INPP5J: variants seen among roughly 807,000 people sequenced by gnomAD.
The protein encoded by INPP5J is phosphatidylinositol 4,5-bisphosphate 5-phosphatase A.
INPP5J carries 75 observed loss-of-function variants against 86.6 expected under a neutral mutation model. That is an observed-to-expected ratio of 0.87 (90% CI 0.72 to 1.05). The LOEUF (loss-of-function observed/expected upper bound fraction) is 1.05. INPP5J is among the 50% of genes least tolerant of loss of function. INPP5J has a pLI of 0.00. For missense variants in INPP5J, 1,229 were observed against 1,341.2 expected, an observed-to-expected ratio of 0.92 and a Z score of 1.31; for synonymous variants, 540 against 550.0, an observed-to-expected ratio of 0.98 and a Z score of 0.25.
chr22:31,132,543 C>T lies in INPP5J; in HGVS notation c.2194-555C>T, dbSNP rs570758806. 1.3e-4 allele frequency among the ~76,000 whole-genome samples: 20 copies of T among 152,212 alleles called. 1 individual carries two copies. The South Asian group carries it at 4.2e-3, about 32-fold the overall frequency. On this transcript the variant is annotated intron_variant, in intron 9 of 12. Coordinates refer to ENST00000331075, the MANE Select transcript of INPP5J (RefSeq NM_001284285.2). ...TCATTTGAGGTCAGGAGTTCAAGAA[C>T]AGCCTGGCCAACATGGTGAAACGCT...
At chr22:31,124,583 T>C (rs1371408059) in intron 1 of INPP5J, among the ~76,000 whole-genome samples, 1 of 152,186 alleles carries the variant, frequency 6.6e-6, no homozygotes, top group Non-Finnish European at 1.5e-5. Flanking sequence ...GTTCACACTC[T>C]GCCTCATTTG....
At position 31,127,526 on chromosome 22, in the gene INPP5J, A is replaced by G; in HGVS notation, c.1781A>G (p.Asp594Gly). 6.2e-7 allele frequency: 1 copy of G among 1,612,394 alleles called. No individual in the cohort carries two copies. Among genetic ancestry groups the G allele is most frequent in the Non-Finnish European group, 8.5e-7 (1 of 1,179,034 alleles). ...GGGCCGGGCGCACAGGGCATCCTGGATCATGAGTATGGGCTGGGGTGGGGC... is the reference window on the plus strand; with the variant it reads ...GGGCCGGGCGCACAGGGCATCCTGGGTCATGAGTATGGGCTGGGGTGGGGC... ...FQGPGAQGIL[D>G]HDLVFWFGDL... is the part of the protein sequence containing the mutation. The change falls in exon 6 of 13, where the codon GAT (aspartate) becomes GGT (glycine). Residue 594 changes from aspartate (D) to glycine (G), a missense_variant. Coordinates refer to ENST00000331075, the MANE Select transcript of INPP5J (RefSeq NM_001284285.2).
rs374129564 is a variant in INPP5J at position 31,134,065 on chromosome 22, G to A, written c.2667G>A (p.Pro889=). The change falls in exon 13 of 13, where the codon CCG becomes CCA. Residue 889 remains proline (P), a synonymous_variant. Coordinates refer to ENST00000331075, the MANE Select transcript of INPP5J (RefSeq NM_001284285.2). The part of the protein sequence containing the change: ...GKSKRHRSRS[P]GLARFPGLAL... ...CCAAGCGACACCGCAGCCGCAGCCC[G>A]GGACTGGCCAGGTTCCCTGGGCTTG... The A allele has an allele frequency of 5.1e-5, 80 of 1,576,490 alleles. No individual in the cohort carries two copies. The highest frequency in any genetic ancestry group is 3.8e-4 in the African/African-American group (28 of 73,952).
At chr22:31,123,149 C>A (rs1179060667) in intron 1 of INPP5J, 30 bp downstream of exon 1, 2 of 1,363,692 alleles carry the variant, frequency 1.5e-6, no homozygotes. Flanking sequence ...GTGCCCCCCG[C>A]TTTCCTGATC....
intron 1 of INPP5J, 51 bp from the exon 2 acceptor site, chr22:31,124,794 C>T: frequency 6.6e-7 from 1 of 1,510,054 alleles, no homozygotes; most frequent in South Asian, 1.2e-5. Context: ...GAAGTTGGGG[C>T]CCAATGCCCT....
rs1459546435 is a variant in INPP5J at position 31,125,433 on chromosome 22, C to G, written c.694C>G (p.Gln232Glu). The part of the protein sequence containing the change: ...STASGAASVG[Q>E]TSARKRDAPA... ...GGCATCAGGCGCAGCCTCTGTGGGA[C>G]AGACATCAGCTAGAAAGAGGGATGC... The change falls in exon 2 of 13, where the codon CAG becomes GAG. Residue 232 changes from glutamine (Q) to glutamate (E), a missense_variant. By Grantham distance (29) the Gln-to-Glu change is conservative. Coordinates refer to ENST00000331075, the MANE Select transcript of INPP5J (RefSeq NM_001284285.2). 1.3e-6 allele frequency: 2 copies of G among 1,550,686 alleles called. No homozygotes were observed. The highest frequency in any genetic ancestry group is 1.7e-6 in the Non-Finnish European group (2 of 1,146,996).
At position 31,134,071 on chromosome 22, in the gene INPP5J, G is replaced by A; in HGVS notation, c.2673G>A (p.Leu891=). ...SKRHRSRSPG[L]ARFPGLALRP... Reference sequence around the variant, plus strand: ...GACACCGCAGCCGCAGCCCGGGACTGGCCAGGTTCCCTGGGCTTGCCCTAC... The same window carrying A: ...GACACCGCAGCCGCAGCCCGGGACTAGCCAGGTTCCCTGGGCTTGCCCTAC... Residue 891 remains leucine, a synonymous_variant, in exon 13 of 13, where the codon CTG becomes CTA. Transcript: ENST00000331075. 1.3e-6 allele frequency: 2 copies of A among 1,571,854 alleles called. No homozygotes were observed. The highest frequency in any genetic ancestry group is 8.6e-7 in the Non-Finnish European group (1 of 1,159,870).
In INPP5J at chr22:31,123,173, A is replaced by ACC. The variant is rs200796586; in HGVS notation, c.105+61_105+62dup. 1.9e-5 allele frequency: 20 copies of ACC among 1,057,152 alleles called. 1 individual carries two copies. The Admixed American group carries it at 2.4e-4, about 13-fold the overall frequency. 65.5% of individuals were successfully genotyped at this position (1,057,152 alleles called of 1,614,324 possible). A position where few individuals can be genotyped will look rare whatever the true frequency, so the allele number is the denominator to read the frequency against. ...GCTTTCCTGATCCCTGGTTCCACAC[A>ACC]CCCCCCCCACATACACTGCAGGCTC... On this transcript the variant is annotated intron_variant, in intron 1 of 12. Transcript: ENST00000331075.
intron 9 of INPP5J, among the ~76,000 whole-genome samples, chr22:31,132,236 C>G (rs1328951455): frequency 6.6e-6 from 1 of 152,224 alleles, no homozygotes; most frequent in Non-Finnish European, 1.5e-5. Context: ...ACTGAGGTCT[C>G]CATCCTCCCA....
Position 31,124,881 on chromosome 22 carries a change from G to A in INPP5J, c.142G>A (p.Ala48Thr), listed in dbSNP as rs747436965. ...TTTTCAGCTCCCAGCAAAGAAGAACGCAGCCCTAGGACCCTCGGAACCAAG... is the reference window on the plus strand; with the variant it reads ...TTTTCAGCTCCCAGCAAAGAAGAACACAGCCCTAGGACCCTCGGAACCAAG... ...SSFQLPAKKN[A>T]ALGPSEPRLA... Residue 48 changes from alanine (A) to threonine (T), a missense_variant, in exon 2 of 13, where the codon GCA (alanine) becomes ACA (threonine). Physicochemically the swap from Ala to Thr is moderately conservative, Grantham distance 58 (BLOSUM62 0). Coordinates refer to ENST00000331075, the MANE Select transcript of INPP5J (RefSeq NM_001284285.2). 42 of 1,612,778 alleles carry A rather than the reference G, an allele frequency of 2.6e-5. No homozygotes were observed. The highest frequency in any genetic ancestry group is 5.0e-5 in the Admixed American group (3 of 59,968).
upstream of INPP5J, chr22:31,122,955 C>CCGGGAG (rs1475155265): frequency 6.0e-6 from 7 of 1,158,652 alleles, no homozygotes; most frequent in Non-Finnish European, 8.1e-6. Context: ...TCACTGGTTC[C>CCGGGAG]CGGGAGCGGT....
At chr22:31,124,157 C>T (rs887227795) in intron 1 of INPP5J, 4 of 534,700 alleles carry the variant, frequency 7.5e-6, no homozygotes, top group African/African-American at 4.1e-5. Context: ...GAAACTGAGG[C>T]GCTGGGCAGA....
intron 1 of INPP5J, among the ~76,000 whole-genome samples, 192 bp downstream of exon 1, chr22:31,123,311 G>T (rs1315377518): frequency 6.6e-6 from 1 of 152,126 alleles, no homozygotes; most frequent in African/African-American, 2.4e-5. Context: ...GGAGACAGAT[G>T]AAGTTAGCCA....
chr22:31,125,851 C>G lies in INPP5J; in HGVS notation c.1112C>G (p.Pro371Arg). The G allele has an allele frequency of 6.2e-7, 1 of 1,610,746 alleles. No individual in the cohort carries two copies. The highest frequency in any genetic ancestry group is 8.5e-7 in the Non-Finnish European group (1 of 1,178,220). Residue 371 changes from proline to arginine, a missense_variant, in exon 2 of 13, where the codon CCA becomes CGA. Pro to Arg is a moderately radical substitution (Grantham distance 103). Transcript: ENST00000331075. ...CVPPAPDMAL[P>R]RLGTQSTGPG... ...CCCCCAGCCCCTGACATGGCCCTCC[C>G]AAGGCTTGGCACACAGAGTACAGGG...
intron 4 of INPP5J, 41 bp from the exon 5 acceptor site, chr22:31,126,880 A>G (rs770793537): frequency 6.7e-7 from 1 of 1,489,872 alleles, no homozygotes; most frequent in Non-Finnish European, 9.3e-7. Context: ...AGGGCGGGGG[A>G]GTTGTGTTCT....
Position 31,126,628 on chromosome 22 carries a change from C to T in INPP5J, c.1401C>T (p.Asn467=). The T allele has an allele frequency of 1.9e-6, 3 of 1,613,834 alleles. No homozygotes were observed. The highest frequency in any genetic ancestry group is 2.5e-6 in the Non-Finnish European group (3 of 1,179,758). ...DMIAIGLQEV[N]SMLNKRLKDA... is the part of the protein sequence containing the mutation. Reference sequence around the variant, plus strand: ...ACCCCTCCAGGTTGCAGGAAGTGAACTCCATGCTCAACAAGCGACTCAAGG... The same window carrying T: ...ACCCCTCCAGGTTGCAGGAAGTGAATTCCATGCTCAACAAGCGACTCAAGG... The change falls in exon 4 of 13, where the codon AAC becomes AAT. Residue 467 remains asparagine (N), a synonymous_variant. Coordinates refer to ENST00000331075, the MANE Select transcript of INPP5J (RefSeq NM_001284285.2).
chr22:31,128,118 T>G, intron 7 of INPP5J, 56 bp downstream of exon 7: 2 of 1,471,520 alleles, frequency 1.4e-6, no homozygotes, highest in South Asian at 2.3e-5. Context: ...CGCCTGTACC[T>G]TAGACTATGG....
Position 31,125,813 on chromosome 22 carries a change from C to G in INPP5J, c.1074C>G (p.Arg358=). Residue 358 remains arginine, a synonymous_variant, in exon 2 of 13, where the codon CGC becomes CGG. Coordinates refer to ENST00000331075, the MANE Select transcript of INPP5J (RefSeq NM_001284285.2). ...GTTCCCCAAGCCACTCCCCGAATCGCTCTCCCTGTGTTCCCCCAGCCCCTG... is the reference window on the plus strand; with the variant it reads ...GTTCCCCAAGCCACTCCCCGAATCGGTCTCCCTGTGTTCCCCCAGCCCCTG... ...PSRSPSHSPN[R]SPCVPPAPDM... 6.3e-7 allele frequency: 1 copy of G among 1,599,002 alleles called. No individual in the cohort carries two copies. Among genetic ancestry groups the G allele is most frequent in the East Asian group, 2.3e-5 (1 of 43,972 alleles).
chr22:31,134,017 C>G lies in INPP5J; in HGVS notation c.2619C>G (p.Ser873=). 1 of 1,609,538 alleles carries G rather than the reference C, an allele frequency of 6.2e-7. No individual in the cohort carries two copies. Among genetic ancestry groups the G allele is most frequent in the Non-Finnish European group, 8.5e-7 (1 of 1,178,554 alleles). ...DSTLELLAPK[S]RSPSPGKSKR... The stretch of plus-strand genomic sequence containing the variant: ...CACTGGAGCTCCTTGCACCCAAGTC[C>G]CGCAGCCCCAGTCCTGGCAAGTCCA... The change falls in exon 13 of 13, where the codon TCC becomes TCG. Residue 873 remains serine, a synonymous_variant. Coordinates refer to ENST00000331075, the MANE Select transcript of INPP5J (RefSeq NM_001284285.2).
Sources: allele counts gnomAD v4.1 joint callset (sites outside exome capture counted in the v4.1 genomes callset), GRCh38; gene constraint gnomAD v4.1.1; transcripts MANE v1.5; gene names NCBI Gene and HGNC (gene_info 2026-07-23, HGNC 2026-07-21).